PDE4C: variants seen among roughly 807,000 people sequenced by gnomAD.
The protein encoded by PDE4C is phosphodiesterase 4C.
Under a neutral mutation model 63.9 loss-of-function variants are expected in PDE4C, and 50 were observed. The ratio of observed to expected loss-of-function variants is 0.78; its 90% CI spans 0.62 to 0.99. The LOEUF is 0.99. Among genes scored for constraint, PDE4C ranks in the 50% least tolerant of loss-of-function variants. The pLI is 0.00. For missense variants in PDE4C, 777 were observed against 899.1 expected (o/e 0.86, Z 1.74); for synonymous variants, 377 against 385.1 (o/e 0.98, Z 0.25).
At chr19:18,245,839 A>G (rs1969118830) in intron 1 of PDE4C, among the ~76,000 whole-genome samples, 1 of 151,730 alleles carries the variant, frequency 6.6e-6, no homozygotes. Context: ...TCCTTTATTT[A>G]TTTATTATTA....
chr19:18,219,444 T>TG, intron 7 of PDE4C, 47 bp from the exon 8 acceptor site: 1 of 1,535,894 alleles, frequency 6.5e-7, no homozygotes, highest in East Asian at 2.3e-5. Flanking sequence ...TTTCACCTGC[T>TG]GGGGCCTGGC....
chr19:18,231,887 C>G (rs1330125222), intron 1 of PDE4C, among the ~76,000 whole-genome samples: 1 of 152,028 alleles, frequency 6.6e-6, no homozygotes, highest in Non-Finnish European at 1.5e-5. Context: ...TTACACGAAA[C>G]AGGAGAAGCA....
intron 1 of PDE4C, among the ~76,000 whole-genome samples, chr19:18,243,005 G>C (rs1262173962): frequency 2.6e-5 from 4 of 152,150 alleles, no homozygotes; most frequent in Non-Finnish European, 5.9e-5. Context: ...AGGTGATATG[G>C]ACCAGAGCGG....
At chr19:18,250,576 C>T (rs543431447), upstream of PDE4C, 8 of 397,626 alleles carry the variant, frequency 2.0e-5, no homozygotes, top group South Asian at 9.6e-4. Flanking sequence ...GGAAGCTGAC[C>T]TCTCTTCCCT....
chr19:18,233,343 G>T, exon 1 of PDE4C: 1 of 1,054,130 alleles, frequency 9.5e-7, no homozygotes, highest in Non-Finnish European at 1.4e-6. Flanking sequence ...GCGGTAGAAG[G>T]TGGAACTGGG....
exon 8 of PDE4C, chr19:18,219,297 G>A: frequency 6.2e-7 from 1 of 1,614,174 alleles, no homozygotes; most frequent in Admixed American, 1.7e-5. Context: ...CTGAGGAGAG[G>A]CTGGCACTGT....
In PDE4C at chr19:18,222,049, C is replaced by G. The variant is rs1237945343; in HGVS notation, c.338+83G>C. The G allele has an allele frequency of 6.7e-6, 8 of 1,194,228 alleles. No individual in the cohort carries two copies. In the East Asian group the frequency reaches 1.9e-4, roughly 29 times the overall value. 74.0% of individuals were successfully genotyped at this position (1,194,228 alleles called of 1,614,324 possible). On this transcript the variant is annotated intron_variant, in intron 2 of 14. Coordinates refer to ENST00000262805, the Ensembl canonical transcript of PDE4C. ...AAACTTCAAAACCTTCCTTAAATGG[C>G]TATTTGAAGGAGCTTGCTGAATAGA...
At chr19:18,241,110 G>A (rs1376663899) in intron 1 of PDE4C, among the ~76,000 whole-genome samples, 1 of 152,042 alleles carries the variant, frequency 6.6e-6, no homozygotes, top group East Asian at 1.9e-4. Context: ...CCTCCCTCGG[G>A]AGAGTTCCTG....
chr19:18,220,821 A>G lies in PDE4C; in HGVS notation c.499+53T>C. 6.4e-7 allele frequency: 1 copy of G among 1,555,586 alleles called. No homozygotes were observed. The highest frequency in any genetic ancestry group is 8.8e-7 in the Non-Finnish European group (1 of 1,137,990). ...TCATGGACTGGGGAGGTCACTATGGAAAGGAAGCTCCCAGCTGTCCTCAGC... is the reference window on the plus strand; with the variant it reads ...TCATGGACTGGGGAGGTCACTATGGGAAGGAAGCTCCCAGCTGTCCTCAGC... On this transcript the variant is annotated intron_variant, in intron 5 of 14. Coordinates refer to ENST00000262805, the Ensembl canonical transcript of PDE4C. The surrounding 1 kb of genome is among the most constrained non-coding windows in gnomAD (Gnocchi z 5.1).
At chr19:18,224,567 T>C (rs1044585806) in intron 1 of PDE4C, 3 of 946,656 alleles carry the variant, frequency 3.2e-6, no homozygotes, top group African/African-American at 3.5e-5. Flanking sequence ...CTCGGGAGAC[T>C]TCGGATAAGT....
chr19:18,211,605 G>C (rs1967943793), intron 14 of PDE4C, 154 bp downstream of exon 14: 12 of 791,004 alleles, frequency 1.5e-5, no homozygotes, highest in Non-Finnish European at 2.2e-5. Flanking sequence ...AGCCCAGAGA[G>C]AATGGATCCC....
rs748841425 is a variant in PDE4C, at chr19:18,226,347, G to C, written c.69C>G (p.Ser23=). 2.6e-6 allele frequency: 4 copies of C among 1,527,530 alleles called. No individual in the cohort carries two copies. In the South Asian group the frequency reaches 4.8e-5, roughly 19 times the overall value. 94.6% of individuals were successfully genotyped at this position (1,527,530 alleles called of 1,614,324 possible). ...CCAAAAGCTTCCTGAAGAGCCCGGGGGAGCCGCGCGGGGATCCCCGAGGGG... is the reference window on the plus strand; with the variant it reads ...CCAAAAGCTTCCTGAAGAGCCCGGGCGAGCCGCGCGGGGATCCCCGAGGGG... Residue 23 remains serine (S), a synonymous_variant, in exon 1 of 15, where the codon TCC becomes TCG. Coordinates refer to ENST00000262805, the Ensembl canonical transcript of PDE4C.
At chr19:18,238,573 A>AGTAT (rs1042171877), upstream of PDE4C, among the ~76,000 whole-genome samples, 14 of 152,078 alleles carry the variant, frequency 9.2e-5, no homozygotes, top group African/African-American at 3.4e-4. Flanking sequence ...TAAATAAAAC[A>AGTAT]GTATGTTTAT....
exon 14 of PDE4C, chr19:18,211,863 G>T (rs753597067): frequency 6.2e-7 from 1 of 1,614,218 alleles, no homozygotes. Flanking sequence ...GCCATGATGC[G>T]GTCCGTCCAC....
rs184496130 is a variant in PDE4C, at chr19:18,212,812, C to T, written c.1512+556G>A. Among the ~76,000 whole-genome samples, 530 of 151,540 alleles carry T rather than the reference C, an allele frequency of 3.5e-3. 3 individuals carry two copies. Among genetic ancestry groups the T allele is most frequent in the Non-Finnish European group, 6.6e-3 (445 of 67,836 alleles). ...CAAGCAATTCTCTGCCTCAGCCTCCCGAGTAGCTGAGATTACAGGCGCCCG... is the reference window on the plus strand; with the variant it reads ...CAAGCAATTCTCTGCCTCAGCCTCCTGAGTAGCTGAGATTACAGGCGCCCG... On this transcript the variant is annotated intron_variant, in intron 13 of 14. Transcript: ENST00000262805.
chr19:18,253,563 A>ACAC, the PDE4C span, among the ~76,000 whole-genome samples: 89 of 141,756 alleles, frequency 6.3e-4, no homozygotes, highest in East Asian at 7.1e-3. Flanking sequence ...AAAAAAAAAA[A>ACAC]ACACACACAC....
chr19:18,237,746 G>A (rs186221032), upstream of PDE4C, among the ~76,000 whole-genome samples: 343 of 151,624 alleles, frequency 2.3e-3, 4 homozygotes, highest in African/African-American at 7.6e-3. Flanking sequence ...GGTGGCGGGC[G>A]CCTGTAGTCC....
At chr19:18,222,037 T>C in intron 2 of PDE4C, 95 bp downstream of exon 2, 1 of 1,093,104 alleles carries the variant, frequency 9.1e-7, no homozygotes, top group Non-Finnish European at 1.3e-6. Flanking sequence ...CTTCAAAACC[T>C]TCCTTAAATG....
intron 2 of PDE4C, among the ~76,000 whole-genome samples, chr19:18,221,575 TATTTCTTC>T (rs1276568546): frequency 6.6e-6 from 1 of 152,008 alleles, no homozygotes; most frequent in African/African-American, 2.4e-5. Flanking sequence ...CAAATCAAAG[TATTTCTTC>T]ATTTGCTGCT....
Sources: allele counts gnomAD v4.1 joint callset (sites outside exome capture counted in the v4.1 genomes callset), GRCh38; gene constraint gnomAD v4.1.1; non-coding constraint Gnocchi (gnomAD v3.1); transcripts MANE v1.5; gene names NCBI Gene and HGNC (gene_info 2026-07-23, HGNC 2026-07-21).